Variants in ACOXL observed in about 807,000 individuals in gnomAD.
The protein encoded by ACOXL is acyl-coenzyme A oxidase-like protein.
ACOXL carries 70 observed loss-of-function variants against 71.9 expected under a neutral mutation model. The observed-to-expected ratio is 0.97, with a 90% CI of 0.80 to 1.19. The LOEUF is 1.19. Among genes scored for constraint, ACOXL ranks in the 50% most tolerant of loss-of-function variants. The pLI is 0.00. For synonymous variants in ACOXL, 253 were observed against 281.6 expected (o/e 0.90, Z 1.02); for missense variants, 703 against 736.3 (o/e 0.95, Z 0.52).
chr2:110,882,254 T>A (rs1173282555), intron 10 of ACOXL, among the ~76,000 whole-genome samples: 1 of 152,230 alleles, frequency 6.6e-6, no homozygotes, highest in Non-Finnish European at 1.5e-5. Flanking sequence ...TACGCTTGTT[T>A]GCTATCCATT....
intron 2 of ACOXL, among the ~76,000 whole-genome samples, chr2:110,778,752 T>C (rs760121679): frequency 6.6e-6 from 1 of 152,244 alleles, no homozygotes; most frequent in Non-Finnish European, 1.5e-5. Context: ...TGCTCAGTGG[T>C]AGTACTGCTT....
At chr2:110,774,120 G>C (rs954239816) in intron 2 of ACOXL, among the ~76,000 whole-genome samples, 1 of 152,084 alleles carries the variant, frequency 6.6e-6, no homozygotes, top group Non-Finnish European at 1.5e-5. Flanking sequence ...ATTATTTCTC[G>C]CTACCTTTTG....
chr2:110,801,863 A>G (rs1686046646), intron 8 of ACOXL, 139 bp downstream of exon 8: 1 of 668,722 alleles, frequency 1.5e-6, no homozygotes, highest in Non-Finnish European at 2.6e-6. Flanking sequence ...GTTGACAACT[A>G]ATTGGAAAAG....
At chr2:110,807,348 G>A (rs760808714) in intron 9 of ACOXL, among the ~76,000 whole-genome samples, 5 of 152,204 alleles carry the variant, frequency 3.3e-5, no homozygotes, top group Non-Finnish European at 7.3e-5. Context: ...CTCCATAGCT[G>A]ACAGCTGTTA....
intron 10 of ACOXL, among the ~76,000 whole-genome samples, chr2:110,902,553 TC>T (rs2059283870): frequency 6.6e-6 from 1 of 152,144 alleles, no homozygotes; most frequent in Non-Finnish European, 1.5e-5. Flanking sequence ...CCTTCCATGA[TC>T]CCAAGGTGGA....
chr2:110,881,983 A>T (rs1696708213), intron 10 of ACOXL, among the ~76,000 whole-genome samples: 1 of 152,046 alleles, frequency 6.6e-6, no homozygotes, highest in Non-Finnish European at 1.5e-5. Context: ...CTTTTCTCTC[A>T]GGCAAATAAG....
At chr2:110,734,533 A>T (rs2104627483) in intron 1 of ACOXL, among the ~76,000 whole-genome samples, 1 of 152,172 alleles carries the variant, frequency 6.6e-6, no homozygotes, top group African/African-American at 2.4e-5. Flanking sequence ...GGTCTCCCAA[A>T]GTGCTGGGAC....
chr2:110,834,251 G>A (rs1194881871), intron 9 of ACOXL, among the ~76,000 whole-genome samples: 1 of 152,190 alleles, frequency 6.6e-6, no homozygotes, highest in East Asian at 1.9e-4. Flanking sequence ...ATGTTCCAGA[G>A]TGTGAGGTGT....
intron 10 of ACOXL, among the ~76,000 whole-genome samples, chr2:110,862,539 G>A (rs1694078963): frequency 1.3e-5 from 2 of 152,246 alleles, no homozygotes; most frequent in Non-Finnish European, 2.9e-5. Context: ...TGCTGCTTGT[G>A]AAATGGGCAT....
chr2:111,035,786 A>G lies in ACOXL; in HGVS notation c.1369+4072A>G, dbSNP rs552790776. On this transcript the variant is annotated intron_variant, in intron 15 of 17. Coordinates refer to ENST00000439055, the MANE Select transcript of ACOXL (RefSeq NM_001142807.4). ...TAAAAACATGATCGCATGCATTATT[A>G]AAGCATTATTTCTGTATGTTATCCA... 3.3e-5 allele frequency among the ~76,000 whole-genome samples: 5 copies of G among 152,374 alleles called. No homozygotes were observed. The South Asian group carries it at 1.0e-3, about 32-fold the overall frequency.
intron 1 of ACOXL, among the ~76,000 whole-genome samples, chr2:110,746,872 G>A (rs188144469): frequency 2.2e-4 from 32 of 146,426 alleles, no homozygotes; most frequent in African/African-American, 7.9e-4. Context: ...TAAGATGAAA[G>A]CTTACTAGTC....
chr2:110,933,337 A>G (rs1338941099), intron 11 of ACOXL, 152 bp from the exon 12 acceptor site: 2 of 943,660 alleles, frequency 2.1e-6, no homozygotes, highest in Non-Finnish European at 3.0e-6. Flanking sequence ...TGCCACTGTT[A>G]TTTTTTAGTG....
intron 17 of ACOXL, chr2:111,100,720 C>T (rs2069089935): frequency 6.5e-6 from 1 of 152,870 alleles, no homozygotes; most frequent in South Asian, 2.1e-4. Context: ...AAGCACAAAT[C>T]CTGTTTTGCA....
At chr2:110,775,973 G>A (rs1682581831) in intron 2 of ACOXL, among the ~76,000 whole-genome samples, 1 of 152,196 alleles carries the variant, frequency 6.6e-6, no homozygotes, top group African/African-American at 2.4e-5. Flanking sequence ...GTTAACAGTG[G>A]CATTATTCCC....
At chr2:110,955,621 C>A (rs2061469685) in intron 12 of ACOXL, among the ~76,000 whole-genome samples, 1 of 152,046 alleles carries the variant, frequency 6.6e-6, no homozygotes, top group Admixed American at 6.6e-5. Flanking sequence ...TGTGACTTGA[C>A]CCCTGTCTGC....
At chr2:110,928,950 C>T (rs536501284) in intron 11 of ACOXL, among the ~76,000 whole-genome samples, 5 of 152,340 alleles carry the variant, frequency 3.3e-5, no homozygotes, top group Admixed American at 1.3e-4. Flanking sequence ...CCCAGCCACA[C>T]GGAATTGTGA....
At chr2:110,901,237 G>A (rs562883308) in intron 10 of ACOXL, among the ~76,000 whole-genome samples, 2 of 152,222 alleles carry the variant, frequency 1.3e-5, no homozygotes, top group South Asian at 4.2e-4. Flanking sequence ...AATTGGCAAG[G>A]GCTTTTTCTC....
chr2:110,796,788 G>A (rs1053320517), intron 5 of ACOXL, among the ~76,000 whole-genome samples: 2 of 152,202 alleles, frequency 1.3e-5, no homozygotes, highest in African/African-American at 2.4e-5. Flanking sequence ...CAGCATGTCC[G>A]TTTATGTTTC....
intron 3 of ACOXL, among the ~76,000 whole-genome samples, chr2:110,785,033 C>G (rs778506826): frequency 6.6e-6 from 1 of 152,122 alleles, no homozygotes. Flanking sequence ...AGTTTTGTTA[C>G]ATTTGTATCA....
Sources: gnomAD v4.1 joint callset for allele counts (sites outside exome capture counted in the v4.1 genomes callset) on GRCh38, gnomAD v4.1.1 for gene constraint, MANE v1.5 for transcripts, NCBI Gene and HGNC (gene_info 2026-07-23, HGNC 2026-07-21) for gene names.